The following PDE4D variants were observed in gnomAD, a reference collection of about 807,000 sequenced individuals.
PDE4D encodes phosphodiesterase 4D, also known as 3',5'-cyclic-AMP phosphodiesterase 4D.
In PDE4D, 24 loss-of-function variants were observed where a neutral mutation model predicts 87.4. The observed-to-expected ratio is 0.27, with a 90% CI of 0.20 to 0.39. The LOEUF is 0.39. PDE4D is among the 10% of genes least tolerant of loss of function. PDE4D has a pLI of 1.00. For missense variants in PDE4D, 714 were observed against 1,041.0 expected (o/e 0.69, Z 4.32); for synonymous variants, 384 against 383.2 (o/e 1.00, Z -0.02).
At chr5:59,807,340 G>C (rs142756464) in intron 1 of PDE4D, among the ~76,000 whole-genome samples, 3 of 152,136 alleles carry the variant, frequency 2.0e-5, no homozygotes, top group African/African-American at 7.2e-5. Context: ...CTCATGGCCC[G>C]TATCAGCTAA....
intron 1 of PDE4D, among the ~76,000 whole-genome samples, chr5:59,460,803 C>G (rs1479778875): frequency 6.6e-6 from 1 of 152,280 alleles, no homozygotes; most frequent in Admixed American, 6.5e-5. Flanking sequence ...TGTACCCCAA[C>G]TGGGCAGATT....
intron 3 of PDE4D, among the ~76,000 whole-genome samples, chr5:59,975,401 C>G (rs998090937): frequency 6.6e-6 from 1 of 152,194 alleles, no homozygotes; most frequent in African/African-American, 2.4e-5. Context: ...CAAATATGAT[C>G]TATCTTTTGT....
chr5:59,083,071 G>A (rs1339291956), intron 5 of PDE4D, among the ~76,000 whole-genome samples: 1 of 152,080 alleles, frequency 6.6e-6, no homozygotes, highest in African/African-American at 2.4e-5. Context: ...AGGTAAAGTT[G>A]TAAACTTGAG....
chr5:59,420,028 G>A (rs921353345), intron 1 of PDE4D, among the ~76,000 whole-genome samples: 16 of 152,160 alleles, frequency 1.1e-4, no homozygotes, highest in African/African-American at 3.9e-4. Context: ...TGGGGCATCT[G>A]GAATTGCTCT....
intron 1 of PDE4D, among the ~76,000 whole-genome samples, chr5:59,515,983 C>T (rs908003375): frequency 6.6e-6 from 1 of 152,014 alleles, no homozygotes; most frequent in Non-Finnish European, 1.5e-5. Context: ...AATTCAATTC[C>T]ATATGTAAAA....
chr5:59,231,673 GGAAAGTACGTACT>G (rs1561769691), intron 1 of PDE4D, among the ~76,000 whole-genome samples: 2 of 152,280 alleles, frequency 1.3e-5, no homozygotes, highest in East Asian at 3.9e-4. Context: ...AAAGTAAACT[GGAAAGTACGTACT>G]GAAAGTACAT....
chr5:59,059,248 G>T (rs377246453), intron 5 of PDE4D, among the ~76,000 whole-genome samples: 9 of 152,282 alleles, frequency 5.9e-5, no homozygotes, highest in African/African-American at 2.2e-4. Flanking sequence ...CTCTGTGGTT[G>T]CTCATTCTCC....
At chr5:59,503,219 T>G (rs191634519) in intron 1 of PDE4D, among the ~76,000 whole-genome samples, 8 of 152,244 alleles carry the variant, frequency 5.3e-5, no homozygotes, top group East Asian at 1.9e-4. Context: ...TGATAAAAGT[T>G]CAGGAGGTCC....
intron 1 of PDE4D, among the ~76,000 whole-genome samples, chr5:59,866,521 C>A (rs778645258): frequency 1.3e-5 from 2 of 152,106 alleles, no homozygotes; most frequent in African/African-American, 4.8e-5. Flanking sequence ...TGGTGGCTCA[C>A]TCCTGTAATC....
intron 1 of PDE4D, among the ~76,000 whole-genome samples, chr5:59,322,070 T>C (rs1236027057): frequency 6.6e-6 from 1 of 152,154 alleles, no homozygotes; most frequent in Non-Finnish European, 1.5e-5. Flanking sequence ...GTAACTTAGC[T>C]GTGCAATCTT....
Position 59,996,000 on chromosome 5 carries a change from A to G in PDE4D, c.43-7283T>C, listed in dbSNP as rs563105915. Reference sequence around the variant, plus strand: ...CAATGTAGTATTTGTAACTATTATTATAAGTCAGGCATAAAGTTGAAACAC... The same window carrying G: ...CAATGTAGTATTTGTAACTATTATTGTAAGTCAGGCATAAAGTTGAAACAC... On this transcript the variant is annotated intron_variant, in intron 2 of 16. Transcript: ENST00000502484. Among the ~76,000 whole-genome samples, 7 of 152,356 alleles carry G rather than the reference A, an allele frequency of 4.6e-5. 1 individual carries two copies. The South Asian group carries it at 1.2e-3, about 27-fold the overall frequency.
At chr5:59,209,984 C>T (rs1749720344) in intron 2 of PDE4D, among the ~76,000 whole-genome samples, 1 of 152,202 alleles carries the variant, frequency 6.6e-6, no homozygotes, top group Non-Finnish European at 1.5e-5. Flanking sequence ...TTTGAGAACT[C>T]TGGCCCTAGT....
In PDE4D at chr5:59,477,475, G is replaced by T. The variant is rs558420008; in HGVS notation, c.456-261507C>A. ...TTTAATAAGATGAAAAAATACATTG[G>T]CTAGGTTCAGGTAAGAAACTCTTAG... On this transcript the variant is annotated intron_variant, in intron 1 of 14. Coordinates refer to ENST00000340635, the MANE Select transcript of PDE4D (RefSeq NM_001104631.2). 2.6e-5 allele frequency among the ~76,000 whole-genome samples: 4 copies of T among 151,778 alleles called. No homozygotes were observed. The East Asian group carries it at 7.7e-4, about 29-fold the overall frequency.
At chr5:59,935,390 A>G (rs1419196454) in intron 3 of PDE4D, among the ~76,000 whole-genome samples, 1 of 152,200 alleles carries the variant, frequency 6.6e-6, no homozygotes, top group Non-Finnish European at 1.5e-5. Flanking sequence ...GTTATGGAAG[A>G]TAAAAACTGA....
At chr5:59,615,269 T>C (rs752224876) in intron 1 of PDE4D, among the ~76,000 whole-genome samples, 4 of 152,266 alleles carry the variant, frequency 2.6e-5, no homozygotes, top group African/African-American at 7.2e-5. Context: ...TGGGATATAT[T>C]AGACAAAACA....
intron 1 of PDE4D, among the ~76,000 whole-genome samples, chr5:59,875,231 G>A (rs190838158): frequency 1.3e-5 from 2 of 152,096 alleles, no homozygotes; most frequent in African/African-American, 4.8e-5. Flanking sequence ...GGAGGCCGAG[G>A]CGGGCGGATC....
chr5:59,899,057 T>A (rs1751959562), intron 3 of PDE4D, among the ~76,000 whole-genome samples: 1 of 152,192 alleles, frequency 6.6e-6, no homozygotes, highest in African/African-American at 2.4e-5. Flanking sequence ...TGGAATTAAT[T>A]TTATTGCATT....
chr5:60,056,029 T>C (rs758453163), intron 2 of PDE4D, among the ~76,000 whole-genome samples: 3 of 152,054 alleles, frequency 2.0e-5, no homozygotes, highest in African/African-American at 4.8e-5. Context: ...GCTGTATGAT[T>C]TTCTCAGTGA....
intron 1 of PDE4D, among the ~76,000 whole-genome samples, chr5:60,262,767 C>T (rs188680031): frequency 2.0e-5 from 3 of 152,148 alleles, no homozygotes; most frequent in Non-Finnish European, 4.4e-5. Context: ...TTTGTCAGCA[C>T]AACCTCAGCG....
Sources: gnomAD v4.1 joint callset for allele counts (sites outside exome capture counted in the v4.1 genomes callset) on GRCh38, gnomAD v4.1.1 for gene constraint, MANE v1.5 for transcripts, NCBI Gene and HGNC (gene_info 2026-07-23, HGNC 2026-07-21) for gene names.